The following GCNT1 variants were observed in gnomAD, a reference collection of about 807,000 sequenced individuals.
GCNT1 encodes the protein beta-1,3-galactosyl-O-glycosyl-glycoprotein beta-1,6-N-acetylglucosaminyltransferase.
A neutral mutation model predicts 26.2 loss-of-function variants in GCNT1; 16 were observed. The ratio of observed to expected loss-of-function variants is 0.61; its 90% CI spans 0.41 to 0.93. The LOEUF is 0.93. Among genes scored for constraint, GCNT1 ranks in the 40% least tolerant of loss-of-function variants. GCNT1 has a pLI of 0.00. For missense variants in GCNT1, 477 were observed against 526.7 expected (o/e 0.91, Z 0.92); for synonymous variants, 183 against 190.8 (o/e 0.96, Z 0.34).
intron 1 of GCNT1, among the ~76,000 whole-genome samples, chr9:76,428,265 CAAAAAAAAAAAAAAA>C (rs869195487): frequency 1.1e-3 from 34 of 29,774 alleles, no homozygotes; most frequent in African/African-American, 3.4e-3. Flanking sequence ...GACTCCGTCT[CAAAAAAAAAAAAAAA>C]AAAAAAAAAC....
chr9:76,435,043 G>A (rs113449849), intron 1 of GCNT1, among the ~76,000 whole-genome samples: 74 of 152,248 alleles, frequency 4.9e-4, no homozygotes, highest in African/African-American at 1.6e-3. Flanking sequence ...AACATAGACC[G>A]TCATCAGTAA....
intron 2 of GCNT1, among the ~76,000 whole-genome samples, chr9:76,486,533 C>G (rs1481329947): frequency 6.6e-6 from 1 of 152,194 alleles, no homozygotes; most frequent in East Asian, 1.9e-4. Context: ...ACGGTCTCAG[C>G]TTTCCCCATA....
chr9:76,419,728 G>C (rs4745544), upstream of GCNT1: 118,102 of 152,216 alleles, frequency 0.78, 46,539 homozygotes, highest in Middle Eastern at 0.86. Context: ...AGCAGTGGTG[G>C]AGATCATACT....
At chr9:76,414,025 A>C in the GCNT1 span, among the ~76,000 whole-genome samples, 3 of 152,094 alleles carry the variant, frequency 2.0e-5, no homozygotes, top group African/African-American at 7.2e-5. Flanking sequence ...GTTCTGTTAC[A>C]ATGTTTTTGA....
chr9:76,395,672 G>A, the GCNT1 span, among the ~76,000 whole-genome samples: 1 of 152,062 alleles, frequency 6.6e-6, no homozygotes, highest in South Asian at 2.1e-4. Flanking sequence ...AAAGGGAAGG[G>A]AAGGGAGAGA....
intron 2 of GCNT1, among the ~76,000 whole-genome samples, chr9:76,480,571 G>A (rs1419519702): frequency 6.6e-6 from 1 of 152,182 alleles, no homozygotes; most frequent in African/African-American, 2.4e-5. Flanking sequence ...AAGGGTAGGT[G>A]TCAGTTCTTC....
chr9:76,497,813 GT>G (rs1213678584), intron 2 of GCNT1, among the ~76,000 whole-genome samples: 1 of 152,088 alleles, frequency 6.6e-6, no homozygotes, highest in Non-Finnish European at 1.5e-5. Context: ...CTTAAAATCT[GT>G]TTACTTTGGT....
intron 2 of GCNT1, among the ~76,000 whole-genome samples, chr9:76,471,023 A>G (rs1030462088): frequency 1.3e-5 from 2 of 152,222 alleles, no homozygotes; most frequent in Non-Finnish European, 2.9e-5. Flanking sequence ...TCCATTGTCT[A>G]CACATTTCTC....
chr9:76,502,248 TC>T lies in GCNT1; in HGVS notation c.-133del. On this transcript the variant is annotated 5_prime_UTR_variant, in exon 4 of 4. The change creates a premature stop within an existing upstream ORF in the 5' untranslated region. Coordinates refer to ENST00000376730, the MANE Select transcript of GCNT1 (RefSeq NM_001490.5). ...GCTTCTTTTATTTCAGTGCTGCTCT[TC>T]ATTTCAAGATGCCGTTGCAGCTCTG... 2.1e-6 allele frequency: 1 copy of T among 474,808 alleles called. No homozygotes were observed. Among genetic ancestry groups the T allele is most frequent in the Non-Finnish European group, 3.8e-6 (1 of 264,832 alleles). 29.4% of individuals were successfully genotyped at this position (474,808 alleles called of 1,614,324 possible). A position where few individuals can be genotyped will look rare whatever the true frequency, so the allele number is the denominator to read the frequency against.
In GCNT1 at chr9:76,428,265, C is replaced by CAAAA. The variant is rs869195487; in HGVS notation, n.38+8399_38+8402dup. Among the ~76,000 whole-genome samples, 197 of 29,740 alleles carry CAAAA rather than the reference C, an allele frequency of 6.6e-3. 18 individuals are homozygous for CAAAA. Among genetic ancestry groups the CAAAA allele is most frequent in the African/African-American group, 0.019 (187 of 9,858 alleles). 19.5% of individuals were successfully genotyped at this position (29,740 alleles called of 152,430 possible). Reference sequence around the variant, plus strand: ...TGGGTAAAAGAGCAAGACTCCGTCTCAAAAAAAAAAAAAAAAAAAAAAAAC... The same window carrying CAAAA: ...TGGGTAAAAGAGCAAGACTCCGTCTCAAAAAAAAAAAAAAAAAAAAAAAAAAAAC... On this transcript the variant is annotated intron_variant and non_coding_transcript_variant, in intron 1 of 3. Coordinates refer to the GCNT1 transcript ENST00000488136.
intron 2 of GCNT1, among the ~76,000 whole-genome samples, chr9:76,492,268 G>A (rs771090124): frequency 2.0e-5 from 3 of 152,184 alleles, no homozygotes; most frequent in Non-Finnish European, 4.4e-5. Flanking sequence ...CCATATTCAT[G>A]TAGATAATAG....
intron 1 of GCNT1, among the ~76,000 whole-genome samples, chr9:76,424,485 T>C (rs1317188836): frequency 2.6e-5 from 4 of 152,308 alleles, no homozygotes; most frequent in South Asian, 4.1e-4. Flanking sequence ...AAATGGATAA[T>C]AGCACAGCAA....
At chr9:76,411,502 T>C in the GCNT1 span, among the ~76,000 whole-genome samples, 1 of 151,758 alleles carries the variant, frequency 6.6e-6, no homozygotes, top group Non-Finnish European at 1.5e-5. Flanking sequence ...CTAATTTTTG[T>C]ATTTTTTGTA....
intron 1 of GCNT1, among the ~76,000 whole-genome samples, chr9:76,425,229 A>G (rs536580499): frequency 1.3e-5 from 2 of 150,270 alleles, no homozygotes; most frequent in Admixed American, 1.3e-4. Context: ...TAGTATTTTA[A>G]TTTATTTTTT....
At position 76,505,653 on chromosome 9, in the gene GCNT1, T is replaced by C. The variant is rs1825217736; in HGVS notation, c.*1985T>C. ...AAGTAAAACAGTAGAGTGAACACCA[T>C]GTAACCCTCACCTGGTGTTAACATT... is the stretch of plus-strand genomic sequence containing the variant. On this transcript the variant is annotated 3_prime_UTR_variant, in exon 4 of 4. Coordinates refer to ENST00000376730, the MANE Select transcript of GCNT1 (RefSeq NM_001490.5). 6.0e-6 allele frequency: 1 copy of C among 167,058 alleles called. No individual in the cohort carries two copies. Among genetic ancestry groups the C allele is most frequent in the Non-Finnish European group, 1.5e-5 (1 of 68,110 alleles). The allele number at this position is 167,058 out of a possible 1,614,324, so 10.3% of individuals were successfully genotyped here.
At chr9:76,437,637 A>G (rs182067018), upstream of GCNT1, among the ~76,000 whole-genome samples, 4 of 152,210 alleles carry the variant, frequency 2.6e-5, no homozygotes, top group East Asian at 7.7e-4. Flanking sequence ...ACTTTACTCT[A>G]TGGACTCGCC....
chr9:76,479,126 C>T (rs944648371), intron 2 of GCNT1, among the ~76,000 whole-genome samples: 6 of 151,762 alleles, frequency 4.0e-5, no homozygotes, highest in South Asian at 2.1e-4. Context: ...TTTGTCCTTG[C>T]GATAGTTTGC....
chr9:76,404,599 T>G, the GCNT1 span, among the ~76,000 whole-genome samples: 1 of 152,176 alleles, frequency 6.6e-6, no homozygotes, highest in Admixed American at 6.5e-5. Context: ...AAAGGTGTGC[T>G]TACAGAGAAC....
At chr9:76,446,656 G>T (rs1823582582) in intron 1 of GCNT1, among the ~76,000 whole-genome samples, 1 of 152,164 alleles carries the variant, frequency 6.6e-6, no homozygotes, top group African/African-American at 2.4e-5. Flanking sequence ...GGAAACAACT[G>T]GAATGGCCAT....
Sources: allele counts gnomAD v4.1 joint callset (sites outside exome capture counted in the v4.1 genomes callset), GRCh38; gene constraint gnomAD v4.1.1; transcripts MANE v1.5; gene names NCBI Gene and HGNC (gene_info 2026-07-23, HGNC 2026-07-21).